FMNL3: variants seen among roughly 807,000 people sequenced by gnomAD.
FMNL3 encodes formin like 3.
A neutral mutation model predicts 119.6 loss-of-function variants in FMNL3; 57 were observed. The ratio of observed to expected loss-of-function variants is 0.48; its 90% CI spans 0.39 to 0.59. FMNL3 has a LOEUF of 0.59. Among genes scored for constraint, FMNL3 ranks in the 20% least tolerant of loss-of-function variants. The pLI is 0.00. For synonymous variants in FMNL3, 491 were observed against 507.3 expected (o/e 0.97, Z 0.43); for missense variants, 1,053 against 1,323.5 (o/e 0.80, Z 3.17).
chr12:49,643,900 G>A lies in FMNL3; in HGVS notation c.*1915C>T, dbSNP rs1943007067. On this transcript the variant is annotated 3_prime_UTR_variant, in exon 26 of 26. Transcript: ENST00000335154. ...TGAGACAGACCCTGAGGAGAAAGCT[G>A]GCAAGGAGAGCGATGAGAAAGAACA... is the stretch of plus-strand genomic sequence containing the variant. 1 of 1,614,182 alleles carries A rather than the reference G, an allele frequency of 6.2e-7. No homozygotes were observed. The highest frequency in any genetic ancestry group is 8.5e-7 in the Non-Finnish European group (1 of 1,180,038).
At position 49,641,321 on chromosome 12, in the gene FMNL3, G is replaced by C. The variant is rs549617268; in HGVS notation, c.*4494C>G. ...AAAGCAGACACTTTGGGGATAGAGA[G>C]CCCCCCCAGGGTAGGGTTCTTGCCC... On this transcript the variant is annotated 3_prime_UTR_variant, in exon 26 of 26. Coordinates refer to ENST00000335154, the MANE Select transcript of FMNL3 (RefSeq NM_175736.5). 1 of 152,360 alleles carries C rather than the reference G, an allele frequency of 6.6e-6. No individual in the cohort carries two copies. The highest frequency in any genetic ancestry group is 6.5e-5 in the Admixed American group (1 of 15,306). 9.4% of individuals were successfully genotyped at this position (152,360 alleles called of 1,614,324 possible).
In FMNL3 at chr12:49,647,254, C is replaced by G; in HGVS notation, c.2871+22G>C. 1 of 1,613,608 alleles carries G rather than the reference C, an allele frequency of 6.2e-7. No individual in the cohort carries two copies. Among genetic ancestry groups the G allele is most frequent in the Non-Finnish European group, 8.5e-7 (1 of 1,179,652 alleles). On this transcript the variant is annotated intron_variant, in intron 24 of 25. Coordinates refer to ENST00000335154, the MANE Select transcript of FMNL3 (RefSeq NM_175736.5). The surrounding 1 kb of genome is among the most constrained non-coding windows in gnomAD (Gnocchi z 4.9). ...TCTTTTGCCTTGTCGTCCTCCAGGC[C>G]CCAGCTCTTGGTCCCACCCACCTTG...
intron 1 of FMNL3, among the ~76,000 whole-genome samples, chr12:49,689,203 T>G (rs1002778278): frequency 6.6e-6 from 1 of 152,234 alleles, no homozygotes; most frequent in African/African-American, 2.4e-5. Context: ...AAATGGAAGC[T>G]TCTACATTTG....
At position 49,674,865 on chromosome 12, in the gene FMNL3, G is replaced by A. The variant is rs116497426; in HGVS notation, c.127-6311C>T. 2.9e-3 allele frequency among the ~76,000 whole-genome samples: 436 copies of A among 152,288 alleles called. 2 individuals are homozygous for A. The highest frequency in any genetic ancestry group is 9.7e-3 in the African/African-American group (401 of 41,548). ...TGAGCAGCCTGGAAGAAAAAGAAATGGATTCACCAGATGTCTCTGGTTGAG... is the reference window on the plus strand; with the variant it reads ...TGAGCAGCCTGGAAGAAAAAGAAATAGATTCACCAGATGTCTCTGGTTGAG... On this transcript the variant is annotated intron_variant, in intron 1 of 25. Transcript: ENST00000335154.
intron 1 of FMNL3, among the ~76,000 whole-genome samples, chr12:49,672,171 T>A (rs906585004): frequency 6.6e-6 from 1 of 152,076 alleles, no homozygotes; most frequent in Non-Finnish European, 1.5e-5. Context: ...TCTGCCTCCA[T>A]CCCACCTTCA....
chr12:49,650,006 A>T, intron 17 of FMNL3, 81 bp from the exon 18 acceptor site: 3 of 1,259,790 alleles, frequency 2.4e-6, no homozygotes, highest in Non-Finnish European at 3.3e-6. Flanking sequence ...AAGCTCCTAG[A>T]AGAACTGGAC....
rs12309940 is a variant in FMNL3, at chr12:49,686,556, C to A, written c.127-18002G>T. On this transcript the variant is annotated intron_variant, in intron 1 of 25. Coordinates refer to ENST00000335154, the MANE Select transcript of FMNL3 (RefSeq NM_175736.5). ...TTCCGCCACTGCACTCCAGCCTGGGCGACAGAGCGAGACTTCATCTCCAAA... is the reference window on the plus strand; with the variant it reads ...TTCCGCCACTGCACTCCAGCCTGGGAGACAGAGCGAGACTTCATCTCCAAA... Among the ~76,000 whole-genome samples, 13 of 135,810 alleles carry A rather than the reference C, an allele frequency of 9.6e-5. No homozygotes were observed. The South Asian group carries it at 2.8e-3, about 30-fold the overall frequency. The allele number at this position is 135,810 out of a possible 152,430, so 89.1% of individuals were successfully genotyped here.
At chr12:49,686,078 A>C (rs1350112626) in intron 1 of FMNL3, among the ~76,000 whole-genome samples, 15 of 151,964 alleles carry the variant, frequency 9.9e-5, no homozygotes, top group African/African-American at 3.6e-4. Context: ...AAAATAAATA[A>C]ATAAAAATTC....
chr12:49,669,265 T>TA, intron 1 of FMNL3, among the ~76,000 whole-genome samples: 1 of 152,276 alleles, frequency 6.6e-6, no homozygotes, highest in South Asian at 2.1e-4. Context: ...ACCTCCCAAT[T>TA]AATTAAGACA....
intron 5 of FMNL3, among the ~76,000 whole-genome samples, chr12:49,659,485 A>G (rs1943671246): frequency 6.6e-6 from 1 of 152,272 alleles, no homozygotes; most frequent in South Asian, 2.1e-4. Flanking sequence ...GTCATGGCTC[A>G]CTGTAACCTC....
chr12:49,647,173 TG>T lies in FMNL3; in HGVS notation c.2871+102del. 1 of 1,554,398 alleles carries T rather than the reference TG, an allele frequency of 6.4e-7. No individual in the cohort carries two copies. The highest frequency in any genetic ancestry group is 8.8e-7 in the Non-Finnish European group (1 of 1,133,060). ...GATGCCAGCCCACTGGCCCTCTGGG[TG>T]GTCTGTCCACTCCAAGTTTTCATCT... On this transcript the variant is annotated intron_variant, in intron 24 of 25. Coordinates refer to ENST00000335154, the MANE Select transcript of FMNL3 (RefSeq NM_175736.5). The surrounding 1 kb of genome is among the most constrained non-coding windows in gnomAD (Gnocchi z 4.9).
At chr12:49,655,044 G>A in intron 9 of FMNL3, 60 bp from the exon 10 acceptor site, 10 of 1,502,652 alleles carry the variant, frequency 6.7e-6, no homozygotes, top group East Asian at 2.3e-5. Flanking sequence ...AAGCCCCTGC[G>A]CTCTGGCTCC....
In FMNL3 at chr12:49,641,782, C is replaced by T; in HGVS notation, c.*4033G>A. 2 of 739,066 alleles carry T rather than the reference C, an allele frequency of 2.7e-6. No homozygotes were observed. The highest frequency in any genetic ancestry group is 4.6e-6 in the Non-Finnish European group (2 of 436,900). 45.8% of individuals were successfully genotyped at this position (739,066 alleles called of 1,614,324 possible). ...TGGATAACTTGGTTTCTAATGCAGA[C>T]CACAGTCCTGTGGATCTCTTCCAGA... is the stretch of plus-strand genomic sequence containing the variant. On this transcript the variant is annotated 3_prime_UTR_variant, in exon 26 of 26. Coordinates refer to ENST00000335154, the MANE Select transcript of FMNL3 (RefSeq NM_175736.5).
intron 1 of FMNL3, among the ~76,000 whole-genome samples, chr12:49,674,581 G>A (rs1346875301): frequency 6.6e-6 from 1 of 152,194 alleles, no homozygotes; most frequent in Non-Finnish European, 1.5e-5. Flanking sequence ...GGCCCCAGCT[G>A]CCCTCTTAGA....
intron 1 of FMNL3, among the ~76,000 whole-genome samples, chr12:49,704,044 G>A (rs751824522): frequency 3.9e-5 from 6 of 152,164 alleles, no homozygotes; most frequent in Non-Finnish European, 8.8e-5. Flanking sequence ...AAACTTAAAA[G>A]CTACCATTTA....
rs779094074 is a variant in FMNL3 at position 49,642,530 on chromosome 12, G to A, written c.*3285C>T. 1 of 1,604,186 alleles carries A rather than the reference G, an allele frequency of 6.2e-7. No individual in the cohort carries two copies. Among genetic ancestry groups the A allele is most frequent in the South Asian group, 1.1e-5 (1 of 90,644 alleles). ...GCCCTGTGCTCATGGCGGTGTCCAG[G>A]CCAGGCTGAGTGGGGCCTAGTCTGA... On this transcript the variant is annotated 3_prime_UTR_variant, in exon 26 of 26. Transcript: ENST00000335154. The surrounding 1 kb of genome is among the most constrained non-coding windows in gnomAD (Gnocchi z 5.8).
chr12:49,654,432 G>C, intron 10 of FMNL3, 130 bp from the exon 11 acceptor site: 3 of 645,026 alleles, frequency 4.7e-6, no homozygotes, highest in Non-Finnish European at 8.1e-6. Flanking sequence ...AAAGAGTTAA[G>C]TCTTTATGGG....
intron 1 of FMNL3, among the ~76,000 whole-genome samples, chr12:49,701,383 C>T (rs1349861712): frequency 1.3e-5 from 2 of 152,136 alleles, no homozygotes; most frequent in African/African-American, 4.8e-5. Flanking sequence ...CCTTCTCATA[C>T]ATTATTCCCT....
chr12:49,651,019 G>T, intron 16 of FMNL3, 141 bp from the exon 17 acceptor site: 1 of 1,455,788 alleles, frequency 6.9e-7, no homozygotes, highest in Non-Finnish European at 9.5e-7. Flanking sequence ...GACACAACTA[G>T]AAATATACGT....
Sources: gnomAD v4.1 joint callset for allele counts (sites outside exome capture counted in the v4.1 genomes callset) on GRCh38, gnomAD v4.1.1 for gene constraint, Gnocchi (gnomAD v3.1) non-coding constraint, MANE v1.5 for transcripts, NCBI Gene and HGNC (gene_info 2026-07-23, HGNC 2026-07-21) for gene names.